The following ZC3H12C variants were observed in gnomAD, a reference collection of about 807,000 sequenced individuals.
ZC3H12C encodes the protein probable ribonuclease ZC3H12C.
ZC3H12C carries 20 observed loss-of-function variants against 76.3 expected under a neutral mutation model. That is an observed-to-expected ratio of 0.26 (90% CI 0.18 to 0.38). The LOEUF (loss-of-function observed/expected upper bound fraction) is 0.38, where lower values mean the gene tolerates loss of function less well. Among genes scored for constraint, ZC3H12C ranks in the 10% least tolerant of loss-of-function variants. The pLI, the probability that ZC3H12C is intolerant of heterozygous loss-of-function variation, is 1.00. For synonymous variants in ZC3H12C, 352 were observed against 399.6 expected (o/e 0.88, Z 1.42); for missense variants, 874 against 1,086.5 (o/e 0.80, Z 2.75).
chr11:110,120,301 A>G (rs1861630549), intron 1 of ZC3H12C, among the ~76,000 whole-genome samples: 1 of 152,172 alleles, frequency 6.6e-6, no homozygotes, highest in African/African-American at 2.4e-5. Context: ...ATTCATTAAC[A>G]TTGAACTGAT....
intron 1 of ZC3H12C, among the ~76,000 whole-genome samples, chr11:110,101,425 C>CT (rs1164534040): frequency 6.6e-6 from 1 of 152,176 alleles, no homozygotes; most frequent in African/African-American, 2.4e-5. Flanking sequence ...AGGACAATGT[C>CT]TGACTGCAAG....
chr11:110,169,657 T>A lies in ZC3H12C; in HGVS notation c.*3920T>A, dbSNP rs1862641780. 1.3e-5 allele frequency: 2 copies of A among 152,142 alleles called. No homozygotes were observed. The highest frequency in any genetic ancestry group is 6.5e-5 in the Admixed American group (1 of 15,280). 9.4% of individuals were successfully genotyped at this position (152,142 alleles called of 1,614,324 possible). A position where few individuals can be genotyped will look rare whatever the true frequency, so the allele number is the denominator to read the frequency against. On this transcript the variant is annotated 3_prime_UTR_variant, in exon 6 of 6. Coordinates refer to ENST00000278590, the MANE Select transcript of ZC3H12C (RefSeq NM_033390.2). The stretch of plus-strand genomic sequence containing the variant: ...GATGTTAATTCAGCTAACAGTTAAG[T>A]TTCCAAGGTATACACCAACAAATAA...
rs753783429 is a variant in ZC3H12C, at chr11:110,171,124, A to G, written c.*5387A>G. The G allele has an allele frequency of 6.6e-6, 1 of 152,254 alleles. No homozygotes were observed. The highest frequency in any genetic ancestry group is 1.5e-5 in the Non-Finnish European group (1 of 68,030). The allele number at this position is 152,254 out of a possible 1,614,324, so 9.4% of individuals were successfully genotyped here. A position where few individuals can be genotyped will look rare whatever the true frequency, so the allele number is the denominator to read the frequency against. On this transcript the variant is annotated 3_prime_UTR_variant, in exon 6 of 6. Coordinates refer to ENST00000278590, the MANE Select transcript of ZC3H12C (RefSeq NM_033390.2). ...TCAGATGAATAACAAAACGCTGTTCATTGAAGCTTTCGCCACCTTTCTTAA... is the reference window on the plus strand; with the variant it reads ...TCAGATGAATAACAAAACGCTGTTCGTTGAAGCTTTCGCCACCTTTCTTAA...
chr11:110,165,409 G>A lies in ZC3H12C; in HGVS notation c.2324G>A (p.Gly775Glu). The A allele has an allele frequency of 6.2e-7, 1 of 1,614,018 alleles. No individual in the cohort carries two copies. Among genetic ancestry groups the A allele is most frequent in the Non-Finnish European group, 8.5e-7 (1 of 1,179,900 alleles). The stretch of plus-strand genomic sequence containing the variant: ...CCTTATTCCCGCCAGGAAGGCCTGG[G>A]AAGCTGGGAGAGGCCAGGCTATGGG... ...RKPYSRQEGLGSWERPGYGID... is the reference protein window; with the variant it reads ...RKPYSRQEGLESWERPGYGID... Residue 775 changes from glycine to glutamate, a missense_variant, in exon 6 of 6, where the codon GGA becomes GAA. Gly to Glu is a moderately conservative substitution (Grantham distance 98). Coordinates refer to ENST00000278590, the MANE Select transcript of ZC3H12C (RefSeq NM_033390.2).
chr11:110,159,184 A>G (rs1428543302), intron 3 of ZC3H12C, 72 bp from the exon 4 acceptor site: 10 of 1,175,086 alleles, frequency 8.5e-6, no homozygotes, highest in Middle Eastern at 1.9e-4. Flanking sequence ...AGAGTTTCAC[A>G]TTGTATGAAA....
intron 2 of ZC3H12C, among the ~76,000 whole-genome samples, chr11:110,150,345 A>G (rs1354904084): frequency 5.1e-5 from 4 of 78,004 alleles, no homozygotes; most frequent in Non-Finnish European, 9.8e-5. Flanking sequence ...CCTTTAATAT[A>G]GGTTTTCAAT....
Position 110,170,212 on chromosome 11 carries a change from C to T in ZC3H12C, c.*4475C>T, listed in dbSNP as rs910433252. ...TTGTGTTTAACCACAAAAAAAAGCA[C>T]TCTGTTAAAATGTTTTAATATGTAT... On this transcript the variant is annotated 3_prime_UTR_variant, in exon 6 of 6. Transcript: ENST00000278590. 3.9e-5 allele frequency: 6 copies of T among 152,146 alleles called. No individual in the cohort carries two copies. Among genetic ancestry groups the T allele is most frequent in the Non-Finnish European group, 7.4e-5 (5 of 68,002 alleles). 9.4% of individuals were successfully genotyped at this position (152,146 alleles called of 1,614,324 possible).
At chr11:110,149,887 AT>A (rs1862240084) in intron 2 of ZC3H12C, among the ~76,000 whole-genome samples, 1 of 151,624 alleles carries the variant, frequency 6.6e-6, no homozygotes, top group South Asian at 2.1e-4. Context: ...CAATATGTCT[AT>A]TTTTCTTAAT....
In ZC3H12C at chr11:110,167,407, CTAGAA is replaced by C. The variant is rs1475261581; in HGVS notation, c.*1675_*1679del. The C allele has an allele frequency of 6.6e-6, 1 of 151,748 alleles. No homozygotes were observed. The highest frequency in any genetic ancestry group is 2.4e-5 in the African/African-American group (1 of 41,248). 9.4% of individuals were successfully genotyped at this position (151,748 alleles called of 1,614,324 possible). On this transcript the variant is annotated 3_prime_UTR_variant, in exon 6 of 6. Transcript: ENST00000278590. ...CAAATTTTTAAAGTAAAATTGAGGTCTAGAATAGATTAGAAAATAAAAATAACAAT... is the reference window on the plus strand; with the variant it reads ...CAAATTTTTAAAGTAAAATTGAGGTCTAGATTAGAAAATAAAAATAACAAT...
chr11:110,151,321 T>C (rs2134189806), intron 2 of ZC3H12C, among the ~76,000 whole-genome samples: 1 of 152,318 alleles, frequency 6.6e-6, no homozygotes, highest in African/African-American at 2.4e-5. Context: ...GAAGAAATGT[T>C]TATGCAGGCC....
chr11:110,131,724 A>G (rs1288482023), intron 1 of ZC3H12C: 1 of 152,392 alleles, frequency 6.6e-6, no homozygotes, highest in Non-Finnish European at 1.5e-5. Context: ...TATTTTCTTC[A>G]AGAGTTCTGT....
At chr11:110,094,086 G>C (rs1014157902) in intron 1 of ZC3H12C, among the ~76,000 whole-genome samples, 1 of 152,116 alleles carries the variant, frequency 6.6e-6, no homozygotes, top group Non-Finnish European at 1.5e-5. Flanking sequence ...AATATAACTT[G>C]GAGAAATGAA....
At chr11:110,103,545 C>A (rs1861258252) in intron 1 of ZC3H12C, among the ~76,000 whole-genome samples, 1 of 151,648 alleles carries the variant, frequency 6.6e-6, no homozygotes, top group Admixed American at 6.6e-5. Context: ...TTTTGCTTAT[C>A]TTCCAGGTAA....
In ZC3H12C at chr11:110,159,309, T is replaced by G. The variant is rs753739956; in HGVS notation, c.967T>G (p.Ser323Ala). 1.9e-6 allele frequency: 3 copies of G among 1,613,872 alleles called. No individual in the cohort carries two copies. Among genetic ancestry groups the G allele is most frequent in the Non-Finnish European group, 2.5e-6 (3 of 1,179,938 alleles). ...GGAGAAAATCCTGGTGTTCACGCCA[T>G]CCCGGCGAGTCCAGGGGAGGAGAGT... ...EKEKILVFTP[S>A]RRVQGRRVVC... is the part of the protein sequence containing the mutation. Residue 323 changes from serine to alanine, a missense_variant, in exon 4 of 6, where the codon TCC (serine) becomes GCC (alanine). Coordinates refer to ENST00000278590, the MANE Select transcript of ZC3H12C (RefSeq NM_033390.2).
Position 110,106,140 on chromosome 11 carries a change from C to T in ZC3H12C, c.21+12708C>T, listed in dbSNP as rs1042452341. Among the ~76,000 whole-genome samples the T allele has an allele frequency of 4.1e-3, 280 of 68,040 alleles. 114 individuals carry two copies. The highest frequency in any genetic ancestry group is 0.017 in the African/African-American group (273 of 16,336). 44.6% of individuals were successfully genotyped at this position (68,040 alleles called of 152,430 possible). A position where few individuals can be genotyped will look rare whatever the true frequency, so the allele number is the denominator to read the frequency against. On this transcript the variant is annotated intron_variant, in intron 1 of 5. Coordinates refer to ENST00000278590, the MANE Select transcript of ZC3H12C (RefSeq NM_033390.2). ...AAAATTAGCCGGGCGTGGTAGCAGG[C>T]GCCTGTAGTCCCAGCTACTCGGGAG...
At chr11:110,129,223 A>T (rs1861815085) in intron 1 of ZC3H12C, among the ~76,000 whole-genome samples, 1 of 152,208 alleles carries the variant, frequency 6.6e-6, no homozygotes, top group East Asian at 1.9e-4. Context: ...AATGGCATAC[A>T]TCAATAAAAT....
intron 1 of ZC3H12C, among the ~76,000 whole-genome samples, chr11:110,095,296 C>T (rs1861093238): frequency 6.6e-6 from 1 of 152,166 alleles, no homozygotes; most frequent in Non-Finnish European, 1.5e-5. Context: ...ACATTTTTCT[C>T]ATTCTACAAC....
chr11:110,153,184 T>C, intron 3 of ZC3H12C, 126 bp downstream of exon 3: 10 of 1,214,478 alleles, frequency 8.2e-6, no homozygotes, highest in Non-Finnish European at 1.1e-5. Flanking sequence ...ACAAACGTTG[T>C]TTTTTGTTGT....
rs1266210337 is a variant in ZC3H12C at position 110,093,448 on chromosome 11, G to T, written c.21+16G>T. On this transcript the variant is annotated intron_variant, in intron 1 of 5. Coordinates refer to ENST00000278590, the MANE Select transcript of ZC3H12C (RefSeq NM_033390.2). ...CGGCTCCCAGGTTTGTCCTCGGGAAGGGGGTGGGGGACGCGGACCGCGGCG... is the reference window on the plus strand; with the variant it reads ...CGGCTCCCAGGTTTGTCCTCGGGAATGGGGTGGGGGACGCGGACCGCGGCG... 2 of 1,205,074 alleles carry T rather than the reference G, an allele frequency of 1.7e-6. No individual in the cohort carries two copies. Among genetic ancestry groups the T allele is most frequent in the Non-Finnish European group, 1.0e-6 (1 of 966,134 alleles). The allele number at this position is 1,205,074 out of a possible 1,614,324, so 74.6% of individuals were successfully genotyped here. A position where few individuals can be genotyped will look rare whatever the true frequency, so the allele number is the denominator to read the frequency against.
Sources: allele counts gnomAD v4.1 joint callset (sites outside exome capture counted in the v4.1 genomes callset), GRCh38; gene constraint gnomAD v4.1.1; transcripts MANE v1.5; gene names NCBI Gene and HGNC (gene_info 2026-07-23, HGNC 2026-07-21).